The following AFF1 variants were observed in gnomAD, a reference collection of about 807,000 sequenced individuals.
AFF1 encodes the protein ALF transcription elongation factor 1.
Under a neutral mutation model 121.7 loss-of-function variants are expected in AFF1, and 48 were observed. That is an observed-to-expected ratio of 0.39 (90% CI 0.31 to 0.50). The LOEUF is 0.50. Ranked by LOEUF, AFF1 falls within the 20% of genes least tolerant of loss-of-function variation. The pLI, the probability that AFF1 is intolerant of heterozygous loss-of-function variation, is 0.76. For synonymous variants in AFF1, 613 were observed against 563.0 expected (o/e 1.09, Z -1.26); for missense variants, 1,523 against 1,511.7 (o/e 1.01, Z -0.12).
intron 2 of AFF1, among the ~76,000 whole-genome samples, chr4:87,017,952 A>AT (rs397742585): frequency 6.6e-6 from 1 of 150,798 alleles, no homozygotes; most frequent in Non-Finnish European, 1.5e-5. Context: ...AAAAAAAAAA[A>AT]GCTGTGAGGC....
intron 2 of AFF1, among the ~76,000 whole-genome samples, chr4:86,971,329 C>T (rs572214611): frequency 3.3e-5 from 5 of 152,334 alleles, no homozygotes; most frequent in African/African-American, 4.8e-5. Flanking sequence ...AGCTAGGTCT[C>T]TGATCAGTTA....
chr4:86,950,004 C>G (rs898570383), intron 2 of AFF1: 11 of 1,613,922 alleles, frequency 6.8e-6, no homozygotes, highest in Non-Finnish European at 9.3e-6. Context: ...ATGGCGAGCG[C>G]CAGTTTCACC....
At chr4:86,949,517 T>G (rs1240413917) in intron 2 of AFF1, among the ~76,000 whole-genome samples, 1 of 113,126 alleles carries the variant, frequency 8.8e-6, no homozygotes, top group Admixed American at 1.0e-4. Flanking sequence ...AATTTCTATT[T>G]ATTAATTATT....
chr4:86,952,687 C>CTTTTTTT (rs35008076), intron 2 of AFF1, among the ~76,000 whole-genome samples: 3 of 122,990 alleles, frequency 2.4e-5, no homozygotes, highest in African/African-American at 6.0e-5. Context: ...AAAAACACAA[C>CTTTTTTT]TTTTTTTTTT....
chr4:87,111,501 G>A (rs886778770), intron 11 of AFF1, among the ~76,000 whole-genome samples: 5 of 151,658 alleles, frequency 3.3e-5, no homozygotes, highest in Non-Finnish European at 5.9e-5. Context: ...CTACAGGTAC[G>A]TGCCACTAAG....
In AFF1 at chr4:87,057,960, G is replaced by A. The variant is rs941578672; in HGVS notation, c.1059+10366G>A. Among the ~76,000 whole-genome samples, 4 of 151,526 alleles carry A rather than the reference G, an allele frequency of 2.6e-5. No homozygotes were observed. In the East Asian group the frequency reaches 7.8e-4, roughly 30 times the overall value. The stretch of plus-strand genomic sequence containing the variant: ...TGCTCTGTGAGCTCACTCCTGAACA[G>A]CAGCATTCCCGTGGCTTGGCAATCT... On this transcript the variant is annotated intron_variant, in intron 4 of 20. Transcript: ENST00000395146.
chr4:86,987,661 A>AG (rs1724393316), intron 2 of AFF1, among the ~76,000 whole-genome samples: 1 of 152,178 alleles, frequency 6.6e-6, no homozygotes, highest in African/African-American at 2.4e-5. Context: ...TGTTTTAAAA[A>AG]TCATTCAGTC....
chr4:87,072,160 T>C (rs143944735), intron 4 of AFF1, among the ~76,000 whole-genome samples: 1 of 152,044 alleles, frequency 6.6e-6, no homozygotes, highest in Non-Finnish European at 1.5e-5. Flanking sequence ...TCAGGAGATC[T>C]AGACCATCCT....
intron 2 of AFF1, among the ~76,000 whole-genome samples, chr4:87,040,870 G>GCTTT (rs1367708109): frequency 1.1e-5 from 1 of 90,324 alleles, no homozygotes; most frequent in African/African-American, 7.6e-5. Context: ...ACCATGCCCT[G>GCTTT]CTTTTTTTTT....
intron 4 of AFF1, among the ~76,000 whole-genome samples, chr4:87,064,814 G>A (rs914198997): frequency 6.7e-6 from 1 of 149,782 alleles, no homozygotes; most frequent in Non-Finnish European, 1.5e-5. Context: ...GGAGGTTGCA[G>A]TAAAGTCGAG....
chr4:87,076,997 G>A (rs1722735001), intron 4 of AFF1, among the ~76,000 whole-genome samples: 1 of 152,126 alleles, frequency 6.6e-6, no homozygotes, highest in African/African-American at 2.4e-5. Context: ...GATGATTATG[G>A]TGTCTTCATA....
At chr4:87,077,893 T>A (rs946763112) in intron 4 of AFF1, among the ~76,000 whole-genome samples, 1 of 152,350 alleles carries the variant, frequency 6.6e-6, no homozygotes, top group African/African-American at 2.4e-5. Flanking sequence ...TACCTGTAGA[T>A]ACACATTTAG....
chr4:87,135,591 C>T lies in AFF1; in HGVS notation c.3547C>T (p.Arg1183Trp), dbSNP rs778644990. 44 of 1,571,934 alleles carry T rather than the reference C, an allele frequency of 2.8e-5. No individual in the cohort carries two copies. The highest frequency in any genetic ancestry group is 9.1e-5 in the Admixed American group (5 of 55,024). ...LTRKNKEFFARLSTNVCTLAL... is the reference protein window; with the variant it reads ...LTRKNKEFFAWLSTNVCTLAL... ...TGTTTTTTTTGCAGAATTCTTTGCT[C>T]GGCTCAGCACAAATGTGTGCACCTT... is the stretch of plus-strand genomic sequence containing the variant. The change falls in exon 21 of 21, where the codon CGG (arginine) becomes TGG (tryptophan). Residue 1183 changes from arginine to tryptophan, a missense_variant. Around this residue, in one of 5 missense-constraint regions of AFF1, gnomAD observed 241 missense variants for 265.2 expected, o/e 0.91. Transcript: ENST00000395146.
At position 87,092,605 on chromosome 4, in the gene AFF1, C is replaced by T. The variant is rs116508740; in HGVS notation, c.1228+776C>T. On this transcript the variant is annotated intron_variant, in intron 7 of 20. Coordinates refer to ENST00000395146, the MANE Select transcript of AFF1 (RefSeq NM_001166693.3). ...TAAATAAAGTTTTATTGGGACATAG[C>T]TGCACCCATTTATCTAGTATTCTAC... 1.0e-3 allele frequency among the ~76,000 whole-genome samples: 154 copies of T among 152,194 alleles called. 1 individual carries two copies. Among genetic ancestry groups the T allele is most frequent in the Non-Finnish European group, 1.9e-3 (128 of 68,024 alleles).
intron 4 of AFF1, among the ~76,000 whole-genome samples, chr4:87,067,813 A>G (rs1388372197): frequency 6.6e-6 from 1 of 152,208 alleles, no homozygotes; most frequent in African/African-American, 2.4e-5. Flanking sequence ...TGTTTAAAGG[A>G]ACAAAAATGT....
intron 15 of AFF1, 34 bp from the exon 16 acceptor site, chr4:87,127,609 A>T: frequency 6.2e-7 from 1 of 1,613,336 alleles, no homozygotes; most frequent in Non-Finnish European, 8.5e-7. Flanking sequence ...TTTTTGGCTC[A>T]TATGACCTGT....
chr4:86,993,791 C>T (rs1018040790), intron 2 of AFF1, among the ~76,000 whole-genome samples: 2 of 151,854 alleles, frequency 1.3e-5, no homozygotes, highest in African/African-American at 2.4e-5. Context: ...AGTGAAACCC[C>T]ATCTCTACTA....
intron 5 of AFF1, among the ~76,000 whole-genome samples, chr4:87,085,177 C>G (rs1304960434): frequency 1.3e-5 from 2 of 152,210 alleles, no homozygotes; most frequent in African/African-American, 4.8e-5. Context: ...CCTTCTAGAA[C>G]TTAATTCCAG....
rs577033607 is a variant in AFF1, at chr4:87,116,304, G to C, written c.2466+1005G>C. 2.6e-5 allele frequency among the ~76,000 whole-genome samples: 4 copies of C among 152,310 alleles called. No homozygotes were observed. In the South Asian group the frequency reaches 8.3e-4, roughly 32 times the overall value. On this transcript the variant is annotated intron_variant, in intron 12 of 20. Coordinates refer to ENST00000395146, the MANE Select transcript of AFF1 (RefSeq NM_001166693.3). ...TTGTCTGTTACTTGAACATGCCACT[G>C]TTTTAGACAGGCTCCTTCCTTTTAT... is the stretch of plus-strand genomic sequence containing the variant.
Sources: allele counts gnomAD v4.1 joint callset (sites outside exome capture counted in the v4.1 genomes callset), GRCh38; gene constraint gnomAD v4.1.1; regional missense constraint gnomAD v4.1.1; transcripts MANE v1.5; gene names NCBI Gene and HGNC (gene_info 2026-07-23, HGNC 2026-07-21).